Variants in TRAPPC6A observed in about 807,000 individuals in gnomAD.
TRAPPC6A encodes TRAPP complex subunit 6A.
In TRAPPC6A, 25 loss-of-function variants were observed where a neutral mutation model predicts 20.8. That is an observed-to-expected ratio of 1.20 (90% confidence interval 0.88 to 1.68). The LOEUF (loss-of-function observed/expected upper bound fraction) is 1.68. Ranked by LOEUF, TRAPPC6A falls within the 40% of genes most tolerant of loss-of-function variation. The pLI, the probability that TRAPPC6A is intolerant of heterozygous loss-of-function variation, is 0.00. For missense variants in TRAPPC6A, 215 were observed against 211.6 expected, an observed-to-expected ratio of 1.02 and a Z score of -0.10; for synonymous variants, 96 against 93.3, an observed-to-expected ratio of 1.03 and a Z score of -0.16.
chr19:45,170,459 C>A (rs1413547954), intron 1 of TRAPPC6A, among the ~76,000 whole-genome samples: 1 of 152,206 alleles, frequency 6.6e-6, no homozygotes, highest in Admixed American at 6.5e-5. Flanking sequence ...GAAGGCACAC[C>A]AGGCCCAGGT....
In TRAPPC6A at chr19:45,164,163, C is replaced by G; in HGVS notation, c.354+1G>C. On this transcript the variant is annotated splice_donor_variant, in intron 4 of 5. Coordinates refer to ENST00000585934, the MANE Select transcript of TRAPPC6A (RefSeq NM_001270891.2). LOFTEE classifies it high-confidence loss of function. ...GGACAAGGCCCCAGCTCCCCCCATA[C>G]CTTGGGTGCTTCCTCCAGATACTGC... 6.2e-7 allele frequency: 1 copy of G among 1,604,184 alleles called. No homozygotes were observed. The highest frequency in any genetic ancestry group is 8.5e-7 in the Non-Finnish European group (1 of 1,175,976).
chr19:45,168,881 G>A (rs555333008), intron 1 of TRAPPC6A, among the ~76,000 whole-genome samples: 5 of 152,174 alleles, frequency 3.3e-5, no homozygotes, highest in Admixed American at 2.0e-4. Flanking sequence ...GGTGAGGAGC[G>A]CTGGGAATGG....
At chr19:45,177,655 T>C (rs1969419436) in intron 1 of TRAPPC6A, among the ~76,000 whole-genome samples, 1 of 152,094 alleles carries the variant, frequency 6.6e-6, no homozygotes. Context: ...CCTAGTGAAA[T>C]GTAAGCTTCA....
intron 1 of TRAPPC6A, among the ~76,000 whole-genome samples, chr19:45,169,125 TGA>T (rs1188196894): frequency 6.6e-6 from 1 of 152,082 alleles, no homozygotes; most frequent in Non-Finnish European, 1.5e-5. Flanking sequence ...CAGGTGTGTG[TGA>T]GAGACAGAGT....
chr19:45,172,078 G>A lies in TRAPPC6A; in HGVS notation c.84+6057C>T, dbSNP rs957902117. On this transcript the variant is annotated intron_variant, in intron 1 of 5. Coordinates refer to ENST00000585934, the MANE Select transcript of TRAPPC6A (RefSeq NM_001270891.2). This position sits in a 1 kb window ranked among gnomAD's most constrained non-coding sequence, Gnocchi z 4.2. ...AAAGGCCTTCCTGGCCCCTCTGGCCGGTCCTCCAGTTCACAACCTGTGACA... is the reference window on the plus strand; with the variant it reads ...AAAGGCCTTCCTGGCCCCTCTGGCCAGTCCTCCAGTTCACAACCTGTGACA... Among the ~76,000 whole-genome samples, 2 of 151,868 alleles carry A rather than the reference G, an allele frequency of 1.3e-5. No individual in the cohort carries two copies. Among genetic ancestry groups the A allele is most frequent in the African/African-American group, 2.4e-5 (1 of 41,278 alleles).
At chr19:45,169,782 C>A (rs570794883) in intron 1 of TRAPPC6A, among the ~76,000 whole-genome samples, 54 of 152,248 alleles carry the variant, frequency 3.5e-4, no homozygotes, top group African/African-American at 1.3e-3. Flanking sequence ...GAGGCAGGGC[C>A]CAGGCTGCAC....
chr19:45,170,886 A>T (rs1568465298), intron 1 of TRAPPC6A, among the ~76,000 whole-genome samples: 1 of 152,252 alleles, frequency 6.6e-6, no homozygotes, highest in African/African-American at 2.4e-5. Flanking sequence ...AGCAGGAGGC[A>T]GGGAAGAAAG....
At chr19:45,171,299 CACAAAACAAA>C (rs150712507) in intron 1 of TRAPPC6A, among the ~76,000 whole-genome samples, 1,642 of 149,948 alleles carry the variant, frequency 0.011, 33 homozygotes, top group African/African-American at 0.038. Flanking sequence ...GAGACTCAGT[CACAAAACAAA>C]ACAAAACAAA....
chr19:45,169,864 G>A (rs76971643), intron 1 of TRAPPC6A, among the ~76,000 whole-genome samples: 5,070 of 152,306 alleles, frequency 0.033, 112 homozygotes, highest in Middle Eastern at 0.058. Context: ...GGTGGAACAC[G>A]TCTGTGTCCC....
chr19:45,163,544 G>C lies in TRAPPC6A; in HGVS notation c.449-321C>G, dbSNP rs929871118. On this transcript the variant is annotated intron_variant, in intron 5 of 5. Transcript: ENST00000585934. This position sits in a 1 kb window ranked among gnomAD's most constrained non-coding sequence, Gnocchi z 5.3. ...CAAAATAACTGAAGGTGGGGGAGGTGGTGGGGCAGGCTGTCCCCAGGCAGG... is the reference window on the plus strand; with the variant it reads ...CAAAATAACTGAAGGTGGGGGAGGTCGTGGGGCAGGCTGTCCCCAGGCAGG... Among the ~76,000 whole-genome samples the C allele has an allele frequency of 1.3e-5, 2 of 152,132 alleles. No homozygotes were observed. The highest frequency in any genetic ancestry group is 2.4e-5 in the African/African-American group (1 of 41,428).
chr19:45,166,438 G>A (rs1178662491), intron 1 of TRAPPC6A, among the ~76,000 whole-genome samples: 1 of 148,898 alleles, frequency 6.7e-6, no homozygotes, highest in Non-Finnish European at 1.5e-5. Flanking sequence ...CAAACTCCTA[G>A]CCTCAAGTGA....
At position 45,174,013 on chromosome 19, in the gene TRAPPC6A, C is replaced by A. The variant is rs534308688; in HGVS notation, c.84+4122G>T. Among the ~76,000 whole-genome samples the A allele has an allele frequency of 2.2e-3, 338 of 152,254 alleles. 2 individuals carry two copies. The highest frequency in any genetic ancestry group is 7.8e-3 in the African/African-American group (326 of 41,544). On this transcript the variant is annotated intron_variant, in intron 1 of 5. Transcript: ENST00000585934. ...CTGGTGGTGAGCAGAGCTGAGTAAG[C>A]CAGTTTCCCACACTCGCTTGACCAC...
At position 45,177,653 on chromosome 19, in the gene TRAPPC6A, A is replaced by C. The variant is rs1969419346; in HGVS notation, c.84+482T>G. ...TTTTATTATTTGACTCCCCTAGTGA[A>C]ATGTAAGCTTCACAAGGAAGGGATT... is the stretch of plus-strand genomic sequence containing the variant. On this transcript the variant is annotated intron_variant, in intron 1 of 5. Transcript: ENST00000585934. Among the ~76,000 whole-genome samples the C allele has an allele frequency of 1.3e-5, 2 of 152,142 alleles. 1 individual carries two copies. Among genetic ancestry groups the C allele is most frequent in the Non-Finnish European group, 2.9e-5 (2 of 68,038 alleles).
chr19:45,163,039 C>G lies in TRAPPC6A; in HGVS notation c.*153G>C. 1.2e-6 allele frequency: 1 copy of G among 847,910 alleles called. No individual in the cohort carries two copies. Among genetic ancestry groups the G allele is most frequent in the South Asian group, 1.7e-5 (1 of 57,752 alleles). 52.5% of individuals were successfully genotyped at this position (847,910 alleles called of 1,614,324 possible). A position where few individuals can be genotyped will look rare whatever the true frequency, so the allele number is the denominator to read the frequency against. On this transcript the variant is annotated 3_prime_UTR_variant, in exon 6 of 6. Coordinates refer to ENST00000585934, the MANE Select transcript of TRAPPC6A (RefSeq NM_001270891.2). This position sits in a 1 kb window ranked among gnomAD's most constrained non-coding sequence, Gnocchi z 5.3. ...GCTGGGACCCCTTTGCCTCCTCTGA[C>G]ACCCCCACCTCAATTTGATACCCAC...
chr19:45,178,016 T>C (rs1969430392), intron 1 of TRAPPC6A, 119 bp downstream of exon 1: 2 of 1,541,750 alleles, frequency 1.3e-6, no homozygotes, highest in Admixed American at 4.0e-5. Context: ...GGGCCAGACG[T>C]TGCCCTGCAA....
At chr19:45,177,191 GCACA>G (rs57127361) in intron 1 of TRAPPC6A, among the ~76,000 whole-genome samples, 3,432 of 147,954 alleles carry the variant, frequency 0.023, 112 homozygotes, top group African/African-American at 0.074. Context: ...GCGCGTGCGC[GCACA>G]CACACACACA....
intron 1 of TRAPPC6A, among the ~76,000 whole-genome samples, chr19:45,166,203 C>T (rs1369937108): frequency 6.6e-6 from 1 of 151,642 alleles, no homozygotes; most frequent in Non-Finnish European, 1.5e-5. Context: ...TGAGCCACCG[C>T]GCCTGGCGAG....
chr19:45,168,224 T>C (rs192775394), intron 1 of TRAPPC6A, among the ~76,000 whole-genome samples: 343 of 151,554 alleles, frequency 2.3e-3, no homozygotes, highest in African/African-American at 2.7e-3. Context: ...AGGATGGTCT[T>C]GATCTCCTGA....
At chr19:45,164,355 C>T in intron 3 of TRAPPC6A, 108 bp from the exon 4 acceptor site, 3 of 740,628 alleles carry the variant, frequency 4.1e-6, no homozygotes, top group Non-Finnish European at 6.6e-6. Flanking sequence ...TGGGAAGGCC[C>T]CCTTCCTGAG....
Sources: allele counts gnomAD v4.1 joint callset (sites outside exome capture counted in the v4.1 genomes callset), GRCh38; gene constraint gnomAD v4.1.1; non-coding constraint Gnocchi (gnomAD v3.1); transcripts MANE v1.5; gene names NCBI Gene and HGNC (gene_info 2026-07-23, HGNC 2026-07-21).